The following BRD4 variants were observed in gnomAD, a reference collection of about 807,000 sequenced individuals.
The protein encoded by BRD4 is bromodomain-containing protein 4.
A neutral mutation model predicts 142.1 loss-of-function variants in BRD4; 16 were observed. The observed-to-expected ratio is 0.11, with a 90% CI of 0.08 to 0.17. The LOEUF (loss-of-function observed/expected upper bound fraction) is 0.17, where lower values mean the gene tolerates loss of function less well. Among genes scored for constraint, BRD4 ranks in the 10% least tolerant of loss-of-function variants. The probability of loss-of-function intolerance (pLI) is 1.00; values close to 1 mark genes in which losing one functional copy is unlikely to be tolerated. For missense variants in BRD4, 1,424 were observed against 1,810.9 expected (o/e 0.79, Z 3.88); for synonymous variants, 833 against 707.5 (o/e 1.18, Z -2.82).
intron 11 of BRD4, chr19:15,253,903 A>AGACCCTGG (rs2047377250): frequency 1.1e-6 from 1 of 890,306 alleles, no homozygotes; most frequent in African/African-American, 1.7e-5. Flanking sequence ...TTGGCCATTC[A>AGACCCTGG]TCCTCCATGA....
intron 7 of BRD4, among the ~76,000 whole-genome samples, chr19:15,258,306 G>A (rs1260166414): frequency 1.3e-5 from 2 of 152,142 alleles, no homozygotes; most frequent in African/African-American, 2.4e-5. Context: ...CAGGACACCC[G>A]GAGTATGACT....
chr19:15,298,121 T>C (rs1056010083), intron 1 of BRD4, among the ~76,000 whole-genome samples: 5 of 152,320 alleles, frequency 3.3e-5, no homozygotes, highest in South Asian at 4.1e-4. Context: ...CAATGACTCA[T>C]AGCCAAATTT....
chr19:15,319,738 C>A (rs1174403377), intron 1 of BRD4, among the ~76,000 whole-genome samples: 1 of 152,186 alleles, frequency 6.6e-6, no homozygotes, highest in Non-Finnish European at 1.5e-5. Context: ...CCAGACCAGC[C>A]TGCCTAAGCA....
intron 1 of BRD4, among the ~76,000 whole-genome samples, chr19:15,307,759 T>G (rs1752037882): frequency 1.3e-5 from 2 of 152,090 alleles, no homozygotes; most frequent in African/African-American, 4.8e-5. Context: ...CGCACTACGT[T>G]TGGCATCAGT....
rs1226645771 is a variant in BRD4, at chr19:15,238,161, G to A, written c.*216C>T. ...GTGTGCTGAGCGGACGTCCTGTGAG[G>A]GGTGGTGGGTGGCGGGACGTCTGTC... On this transcript the variant is annotated 3_prime_UTR_variant, in exon 20 of 20. Transcript: ENST00000679869. The surrounding 1 kb of genome is among the most constrained non-coding windows in gnomAD (Gnocchi z 7.2). The A allele has an allele frequency of 1.5e-6, 1 of 663,498 alleles. No homozygotes were observed. The highest frequency in any genetic ancestry group is 2.9e-5 in the East Asian group (1 of 34,076). The allele number at this position is 663,498 out of a possible 1,614,324, so 41.1% of individuals were successfully genotyped here. A position where few individuals can be genotyped will look rare whatever the true frequency, so the allele number is the denominator to read the frequency against.
intron 4 of BRD4, 136 bp downstream of exon 4, chr19:15,267,280 C>T (rs967840768): frequency 2.6e-6 from 3 of 1,173,920 alleles, no homozygotes; most frequent in Non-Finnish European, 3.6e-6. Context: ...CAAACCCAAT[C>T]TCACATGTCC....
intron 7 of BRD4, 42 bp downstream of exon 7, chr19:15,263,378 A>C (rs971221226): frequency 6.3e-7 from 1 of 1,599,594 alleles, no homozygotes; most frequent in Non-Finnish European, 8.6e-7. Context: ...CGAGGACCTC[A>C]GCCTGCTCTG....
chr19:15,320,415 G>A (rs1302997416), intron 1 of BRD4, among the ~76,000 whole-genome samples: 1 of 152,130 alleles, frequency 6.6e-6, no homozygotes, highest in African/African-American at 2.4e-5. Context: ...GAAGATAGAT[G>A]AATCCAGTCT....
chr19:15,245,583 C>T (rs746476305), intron 11 of BRD4, among the ~76,000 whole-genome samples: 7 of 152,144 alleles, frequency 4.6e-5, no homozygotes, highest in Non-Finnish European at 7.4e-5. Flanking sequence ...GAGAGGTGTA[C>T]TCGAGAGCCA....
intron 1 of BRD4, among the ~76,000 whole-genome samples, chr19:15,310,863 T>A (rs1048829889): frequency 6.6e-6 from 1 of 152,078 alleles, no homozygotes; most frequent in African/African-American, 2.4e-5. Context: ...CTCCCGTACC[T>A]TTGTGCCTAC....
intron 7 of BRD4, among the ~76,000 whole-genome samples, chr19:15,262,524 T>TAAAAAAAAAA (rs559468375): frequency 2.0e-5 from 2 of 97,798 alleles, no homozygotes; most frequent in East Asian, 2.8e-4. Context: ...CCCATCTCTT[T>TAAAAAAAAAA]AAAAAAAAAA....
At chr19:15,252,734 C>T (rs1464463266) in intron 11 of BRD4, among the ~76,000 whole-genome samples, 1 of 152,214 alleles carries the variant, frequency 6.6e-6, no homozygotes, top group East Asian at 1.9e-4. Context: ...CGGCATTCTG[C>T]ATGCAGTTGT....
intron 11 of BRD4, chr19:15,248,304 G>C (rs1174717794): frequency 4.6e-6 from 1 of 216,230 alleles, no homozygotes; most frequent in Non-Finnish European, 9.3e-6. Context: ...CATTCTAAGG[G>C]ACTGAAGACG....
At chr19:15,329,694 G>C (rs1490638547) in intron 1 of BRD4, among the ~76,000 whole-genome samples, 1 of 152,038 alleles carries the variant, frequency 6.6e-6, no homozygotes, top group African/African-American at 2.4e-5. Context: ...AGCCGAGATC[G>C]CACCACTGCA....
chr19:15,291,396 T>C (rs138159323), intron 1 of BRD4, among the ~76,000 whole-genome samples: 46 of 152,272 alleles, frequency 3.0e-4, no homozygotes, highest in Admixed American at 9.8e-4. Context: ...CAGGAACAGA[T>C]AGACAATCAA....
chr19:15,253,799 T>C (rs1301137854), intron 11 of BRD4: 1 of 1,589,952 alleles, frequency 6.3e-7, no homozygotes, highest in Non-Finnish European at 8.5e-7. Context: ...TGTGGTCACA[T>C]CAAGGTCAAC....
Position 15,265,622 on chromosome 19 carries a change from G to T in BRD4, c.581C>A (p.Ser194Tyr). The change falls in exon 5 of 20, where the codon TCC (serine) becomes TAC (tyrosine). Residue 194 changes from serine (S) to tyrosine (Y), a missense_variant. Coordinates refer to ENST00000679869, the MANE Select transcript of BRD4 (RefSeq NM_001379291.1). ...TGCTTGAGTTGTGTTTGGTACCGTG[G>T]AAACGCCAGGTTTTGCTGTCCCTAC... ...KETGTAKPGV[S>Y]TVPNTTQAST... 1 of 1,614,136 alleles carries T rather than the reference G, an allele frequency of 6.2e-7. No homozygotes were observed. The highest frequency in any genetic ancestry group is 1.3e-5 in the African/African-American group (1 of 75,000).
chr19:15,309,077 CTG>C (rs2047942994), intron 1 of BRD4, among the ~76,000 whole-genome samples: 1 of 149,236 alleles, frequency 6.7e-6, no homozygotes, highest in Non-Finnish European at 1.5e-5. Flanking sequence ...TGGCTCACAC[CTG>C]TAATCCCAGC....
At chr19:15,285,330 A>C (rs2047731815) in intron 1 of BRD4, among the ~76,000 whole-genome samples, 1 of 152,202 alleles carries the variant, frequency 6.6e-6, no homozygotes, top group African/African-American at 2.4e-5. Context: ...AATCTGATTA[A>C]GTTCAGGAGT....
Sources: gnomAD v4.1 joint callset for allele counts (sites outside exome capture counted in the v4.1 genomes callset) on GRCh38, gnomAD v4.1.1 for gene constraint, Gnocchi (gnomAD v3.1) non-coding constraint, MANE v1.5 for transcripts, NCBI Gene and HGNC (gene_info 2026-07-23, HGNC 2026-07-21) for gene names.